Variants in CORO6 observed in about 807,000 individuals in gnomAD.
CORO6 encodes coronin 6.
A neutral mutation model predicts 49.0 loss-of-function variants in CORO6; 43 were observed. The observed-to-expected ratio is 0.88, with a 90% CI of 0.69 to 1.13. The LOEUF is 1.13. Ranked by LOEUF, CORO6 falls within the 50% of genes most tolerant of loss-of-function variation. The pLI, the probability that CORO6 is intolerant of heterozygous loss-of-function variation, is 0.00. For synonymous variants in CORO6, 233 were observed against 256.5 expected (o/e 0.91, Z 0.88); for missense variants, 650 against 647.0 (o/e 1.00, Z -0.05).
rs2034858204 is a variant in CORO6 at position 29,615,939 on chromosome 17, T to C, written c.1293+6A>G. The stretch of plus-strand genomic sequence containing the variant: ...TTGGGCCAGAGTGCAGCAGGGCCGA[T>C]CTTACCGACAAGGGGGCGTCGCTGG... On this transcript the variant is annotated splice_donor_region_variant and intron_variant, in intron 10 of 10. Transcript: ENST00000388767. The C allele has an allele frequency of 6.3e-7, 1 of 1,578,890 alleles. No individual in the cohort carries two copies. The highest frequency in any genetic ancestry group is 1.3e-5 in the African/African-American group (1 of 74,356).
chr17:29,616,816 G>T lies in CORO6; in HGVS notation c.890C>A (p.Thr297Asn). The T allele has an allele frequency of 6.2e-7, 1 of 1,613,756 alleles. No individual in the cohort carries two copies. The highest frequency in any genetic ancestry group is 8.5e-7 in the Non-Finnish European group (1 of 1,179,930). Residue 297 changes from threonine (T) to asparagine (N), a missense_variant, in exon 8 of 11, where the codon ACC (threonine) becomes AAC (asparagine). Coordinates refer to ENST00000388767, the MANE Select transcript of CORO6 (RefSeq NM_032854.4). This position sits in a 1 kb window ranked among gnomAD's most constrained non-coding sequence, Gnocchi z 5.6. ...GDSSIRYFEI[T>N]DEPPFVHYLN... The stretch of plus-strand genomic sequence containing the variant: ...GTAGTGCACGAAAGGCGGCTCGTCG[G>T]TAATCTCAAAGTACCGAATGCTGCT...
At position 29,616,459 on chromosome 17, in the gene CORO6, C is replaced by G; in HGVS notation, c.1005-123G>C. 1 of 979,180 alleles carries G rather than the reference C, an allele frequency of 1.0e-6. No individual in the cohort carries two copies. Among genetic ancestry groups the G allele is most frequent in the African/African-American group, 1.6e-5 (1 of 61,880 alleles). The allele number at this position is 979,180 out of a possible 1,614,324, so 60.7% of individuals were successfully genotyped here. A position where few individuals can be genotyped will look rare whatever the true frequency, so the allele number is the denominator to read the frequency against. On this transcript the variant is annotated intron_variant, in intron 8 of 10. Coordinates refer to ENST00000388767, the MANE Select transcript of CORO6 (RefSeq NM_032854.4). The surrounding 1 kb of genome is among the most constrained non-coding windows in gnomAD (Gnocchi z 5.6). ...CCTACCATGCATATTGCACATTACA[C>G]ACATTATTGGTTCTGCAATAAAACA...
At position 29,618,813 on chromosome 17, in the gene CORO6, G is replaced by A. The variant is rs1171625267; in HGVS notation, c.610C>T (p.Pro204Ser). 3 of 1,613,816 alleles carry A rather than the reference G, an allele frequency of 1.9e-6. No individual in the cohort carries two copies. The highest frequency in any genetic ancestry group is 1.7e-5 in the Admixed American group (1 of 59,984). Residue 204 changes from proline to serine, a missense_variant, in exon 5 of 11, where the codon CCC becomes TCC. Coordinates refer to ENST00000388767, the MANE Select transcript of CORO6 (RefSeq NM_032854.4). ...CKDKTLRIIDPRKGQVVAERF... is the reference protein window; with the variant it reads ...CKDKTLRIIDSRKGQVVAERF... ...ACCGCCACCACTTGGCCTTTTCTGG[G>A]GTCAATGATGCGCAAGGTCTTGTCC...
intron 5 of CORO6, chr17:29,618,399 G>C (rs2035118355): frequency 1.6e-6 from 2 of 1,283,316 alleles, no homozygotes; most frequent in South Asian, 2.6e-5. Flanking sequence ...GCCAGCCCTC[G>C]AGCCAGTGTC....
chr17:29,619,120 A>G lies in CORO6; in HGVS notation c.391T>C (p.Ser131Pro), dbSNP rs1407769518. The G allele has an allele frequency of 1.2e-6, 2 of 1,613,706 alleles. No individual in the cohort carries two copies. The highest frequency in any genetic ancestry group is 1.7e-6 in the Non-Finnish European group (2 of 1,179,926). ...CAGGAGAGGATGCCCACACGCTTGG[A>G]GTGGCCCTCAAGTGTGATGATAGGT... is the stretch of plus-strand genomic sequence containing the variant. The part of the protein sequence containing the change: ...TEPIITLEGH[S>P]KRVGILSWHP... Residue 131 changes from serine to proline, a missense_variant, in exon 4 of 11, where the codon TCC becomes CCC. By Grantham distance (74) the Ser-to-Pro change is moderately conservative. Coordinates refer to ENST00000388767, the MANE Select transcript of CORO6 (RefSeq NM_032854.4).
At position 29,615,381 on chromosome 17, in the gene CORO6, T is replaced by C. The variant is rs1207584115; in HGVS notation, c.*351A>G. On this transcript the variant is annotated 3_prime_UTR_variant, in exon 11 of 11. Transcript: ENST00000388767. Reference sequence around the variant, plus strand: ...GTTTGAGGTCAAGCTCAGGCTCCAATAACCCCAAGCATCACGCTAATACTA... The same window carrying C: ...GTTTGAGGTCAAGCTCAGGCTCCAACAACCCCAAGCATCACGCTAATACTA... 9.3e-6 allele frequency: 2 copies of C among 214,506 alleles called. No individual in the cohort carries two copies. Among genetic ancestry groups the C allele is most frequent in the Non-Finnish European group, 1.8e-5 (2 of 108,666 alleles). 13.3% of individuals were successfully genotyped at this position (214,506 alleles called of 1,614,324 possible).
chr17:29,617,304 G>T lies in CORO6; in HGVS notation c.753+196C>A. ...CAGGGACTCGGCATCACCAGGTGGG[G>T]GCGCCAGCGCAGGATCCTTCACGCG... On this transcript the variant is annotated intron_variant, in intron 6 of 10. Transcript: ENST00000388767. The T allele has an allele frequency of 1.3e-6, 2 of 1,527,648 alleles. 1 individual carries two copies. The highest frequency in any genetic ancestry group is 3.4e-4 in the Middle Eastern group (2 of 5,928). 94.6% of individuals were successfully genotyped at this position (1,527,648 alleles called of 1,614,324 possible).
chr17:29,622,673 TG>T lies in CORO6; in HGVS notation c.-64+14del, dbSNP rs964563588. 13 of 1,189,472 alleles carry T rather than the reference TG, an allele frequency of 1.1e-5. No individual in the cohort carries two copies. The highest frequency in any genetic ancestry group is 1.3e-5 in the Non-Finnish European group (12 of 929,568). 73.7% of individuals were successfully genotyped at this position (1,189,472 alleles called of 1,614,324 possible). On this transcript the variant is annotated intron_variant, in intron 1 of 10. Transcript: ENST00000388767. ...CGCTGGCTGCGGTGACGGCCGGGTGTGGGGGGCTGGGTACCTGGTCCTGAGC... is the reference window on the plus strand; with the variant it reads ...CGCTGGCTGCGGTGACGGCCGGGTGTGGGGGCTGGGTACCTGGTCCTGAGC...
In CORO6 at chr17:29,622,885, G is replaced by C. The variant is rs908407190; in HGVS notation, c.-261C>G. ...AGAGCCCGGCGCCGCTGCAGCCCCA[G>C]CTGCCGCTGCCATCAACCTAAGAGG... On this transcript the variant is annotated 5_prime_UTR_variant, in exon 1 of 11. Transcript: ENST00000388767. 2.3e-6 allele frequency: 3 copies of C among 1,283,244 alleles called. No homozygotes were observed. The East Asian group carries it at 1.8e-4, about 79-fold the overall frequency. 79.5% of individuals were successfully genotyped at this position (1,283,244 alleles called of 1,614,324 possible).
At chr17:29,617,671 G>T (rs1262513865) in intron 5 of CORO6, 52 bp from the exon 6 acceptor site, 2 of 1,502,210 alleles carry the variant, frequency 1.3e-6, no homozygotes, top group Non-Finnish European at 1.8e-6. Context: ...CTGCCCTGAG[G>T]AGCATGGAGG....
rs767055302 is a variant in CORO6 at position 29,622,692 on chromosome 17, T to A, written c.-68A>T. ...CGGGTGTGGGGGGCTGGGTACCTGG[T>A]CCTGAGCGGGCTGCGGGGCGCTCAC... On this transcript the variant is annotated 5_prime_UTR_variant, in exon 1 of 11. Coordinates refer to ENST00000388767, the MANE Select transcript of CORO6 (RefSeq NM_032854.4). 1.7e-5 allele frequency: 21 copies of A among 1,260,066 alleles called. No homozygotes were observed. The highest frequency in any genetic ancestry group is 2.2e-5 in the Non-Finnish European group (21 of 968,474). The allele number at this position is 1,260,066 out of a possible 1,614,324, so 78.1% of individuals were successfully genotyped here.
intron 2 of CORO6, among the ~76,000 whole-genome samples, 172 bp from the exon 3 acceptor site, chr17:29,619,945 TG>T (rs1386086781): frequency 6.6e-6 from 1 of 152,160 alleles, no homozygotes; most frequent in African/African-American, 2.4e-5. Context: ...AAGGCAGAGT[TG>T]AAATAATTTA....
Position 29,621,650 on chromosome 17 carries a change from G to A in CORO6, c.-63-166C>T. 1.4e-6 allele frequency: 1 copy of A among 704,268 alleles called. No homozygotes were observed. Among genetic ancestry groups the A allele is most frequent in the South Asian group, 2.0e-5 (1 of 50,950 alleles). The allele number at this position is 704,268 out of a possible 1,614,324, so 43.6% of individuals were successfully genotyped here. On this transcript the variant is annotated intron_variant, in intron 1 of 10. Coordinates refer to ENST00000388767, the MANE Select transcript of CORO6 (RefSeq NM_032854.4). This position sits in a 1 kb window ranked among gnomAD's most constrained non-coding sequence, Gnocchi z 4.2. ...CTGTGTAAAATGCTGTTTAATGTAA[G>A]TGGCTAGGATTTGGGGCCTGAATTC...
rs779383257 is a variant in CORO6, at chr17:29,617,156, C to T, written c.754-114G>A. ...TTCCCAAACCCTATGCCCCAAACCTCTAGTGACCAGAGTTGCAGGCCCCTC... is the reference window on the plus strand; with the variant it reads ...TTCCCAAACCCTATGCCCCAAACCTTTAGTGACCAGAGTTGCAGGCCCCTC... On this transcript the variant is annotated intron_variant, in intron 6 of 10. Transcript: ENST00000388767. 4 of 1,562,754 alleles carry T rather than the reference C, an allele frequency of 2.6e-6. No individual in the cohort carries two copies. In the African/African-American group the frequency reaches 5.4e-5, roughly 21 times the overall value.
rs374753616 is a variant in CORO6, at chr17:29,616,284, G to A, written c.1057C>T (p.Arg353Cys). 100 of 1,611,290 alleles carry A rather than the reference G, an allele frequency of 6.2e-5. No individual in the cohort carries two copies. The highest frequency in any genetic ancestry group is 6.3e-5 in the Non-Finnish European group (74 of 1,178,816). ...KCEPIIMTVP[R>C]KSDLFQDDLY... ...CCCTTCTCCCGGCCCCTCACCTTGC[G>A]GGGCACAGTCATGATGATAGGTTCA... The change falls in exon 9 of 11, where the codon CGC (arginine) becomes TGC (cysteine). Residue 353 changes from arginine to cysteine, a missense_variant. Coordinates refer to ENST00000388767, the MANE Select transcript of CORO6 (RefSeq NM_032854.4). The surrounding 1 kb of genome is among the most constrained non-coding windows in gnomAD (Gnocchi z 5.6).
Position 29,616,001 on chromosome 17 carries a change from C to T in CORO6, c.1237G>A (p.Val413Met), listed in dbSNP as rs570958547. ...CGGCGGGGGCCGGAGGGCGGGCGCA[C>T]GTCCAGGATGTTGCGCTTCGTGACC... is the stretch of plus-strand genomic sequence containing the variant. The part of the protein sequence containing the change: ...LRVTKRNILD[V>M]RPPSGPRRSQ... Residue 413 changes from valine to methionine, a missense_variant, in exon 10 of 11, where the codon GTG becomes ATG. Coordinates refer to ENST00000388767, the MANE Select transcript of CORO6 (RefSeq NM_032854.4). The surrounding 1 kb of genome is among the most constrained non-coding windows in gnomAD (Gnocchi z 5.6). 1.3e-5 allele frequency: 21 copies of T among 1,593,536 alleles called. No homozygotes were observed. In the Admixed American group the frequency reaches 1.6e-4, roughly 12 times the overall value.
chr17:29,621,416 G>A lies in CORO6; in HGVS notation c.6C>T (p.Ser2=), dbSNP rs769758908. M[S]RRVVRQSKFR... is the part of the protein sequence containing the mutation. ...ACTTGCTTTGCCGAACCACACGTCTGCTCATAGCTGCAGGCAGAGAGGTAG... is the reference window on the plus strand; with the variant it reads ...ACTTGCTTTGCCGAACCACACGTCTACTCATAGCTGCAGGCAGAGAGGTAG... Residue 2 remains serine, a synonymous_variant, in exon 2 of 11, where the codon AGC becomes AGT. Transcript: ENST00000388767. The surrounding 1 kb of genome is among the most constrained non-coding windows in gnomAD (Gnocchi z 4.2). The A allele has an allele frequency of 7.5e-6, 12 of 1,606,934 alleles. No individual in the cohort carries two copies. Among genetic ancestry groups the A allele is most frequent in the Non-Finnish European group, 9.4e-6 (11 of 1,176,466 alleles).
Position 29,616,477 on chromosome 17 carries a change from A to G in CORO6, c.1005-141T>C, listed in dbSNP as rs1218789484. The G allele has an allele frequency of 2.1e-6, 2 of 930,282 alleles. No individual in the cohort carries two copies. The highest frequency in any genetic ancestry group is 5.1e-5 in the Admixed American group (2 of 39,422). The allele number at this position is 930,282 out of a possible 1,614,324, so 57.6% of individuals were successfully genotyped here. ...CATTACACACATTATTGGTTCTGCA[A>G]TAAAACACCCTGATGGTGTGTTCAC... On this transcript the variant is annotated intron_variant, in intron 8 of 10. Transcript: ENST00000388767. This position sits in a 1 kb window ranked among gnomAD's most constrained non-coding sequence, Gnocchi z 5.6.
chr17:29,615,525 A>G lies in CORO6; in HGVS notation c.*207T>C. On this transcript the variant is annotated 3_prime_UTR_variant, in exon 11 of 11. Coordinates refer to ENST00000388767, the MANE Select transcript of CORO6 (RefSeq NM_032854.4). ...TAGGCCAGCTCCAGCCGAGTCCCAG[A>G]CGAGGCTCGCAGTCCAGCCTCCGCT... is the stretch of plus-strand genomic sequence containing the variant. 1 of 562,936 alleles carries G rather than the reference A, an allele frequency of 1.8e-6. No individual in the cohort carries two copies. Among genetic ancestry groups the G allele is most frequent in the Non-Finnish European group, 3.0e-6 (1 of 329,706 alleles). 34.9% of individuals were successfully genotyped at this position (562,936 alleles called of 1,614,324 possible).
Sources: allele counts gnomAD v4.1 joint callset (sites outside exome capture counted in the v4.1 genomes callset), GRCh38; gene constraint gnomAD v4.1.1; non-coding constraint Gnocchi (gnomAD v3.1); transcripts MANE v1.5; gene names NCBI Gene and HGNC (gene_info 2026-07-23, HGNC 2026-07-21).